Variants in ZPBP observed in about 807,000 individuals in gnomAD.
The protein encoded by ZPBP is zona pellucida binding protein.
A neutral mutation model predicts 44.8 loss-of-function variants in ZPBP; 26 were observed. The observed-to-expected ratio is 0.58, with a 90% CI of 0.43 to 0.81. The LOEUF (loss-of-function observed/expected upper bound fraction) is 0.81. Ranked by LOEUF, ZPBP falls within the 30% of genes least tolerant of loss-of-function variation. The pLI is 0.00. For missense variants in ZPBP, 409 were observed against 434.0 expected (o/e 0.94, Z 0.51); for synonymous variants, 174 against 153.2 (o/e 1.14, Z -1.00).
chr7:49,894,857 G>A (rs1792306145), intron 2 of ZPBP, among the ~76,000 whole-genome samples: 2 of 152,302 alleles, frequency 1.3e-5, no homozygotes, highest in South Asian at 4.2e-4. Context: ...ACCTATCCTG[G>A]GCTAGAGTGT....
intron 4 of ZPBP, among the ~76,000 whole-genome samples, chr7:50,049,741 C>A (rs146667207): frequency 9.2e-5 from 14 of 151,834 alleles, no homozygotes; most frequent in African/African-American, 3.4e-4. Flanking sequence ...GATTATTTCC[C>A]CCTAATATTA....
At chr7:49,876,500 T>A (rs1471639961) in intron 2 of ZPBP, among the ~76,000 whole-genome samples, 1 of 152,148 alleles carries the variant, frequency 6.6e-6, no homozygotes, top group Non-Finnish European at 1.5e-5. Flanking sequence ...TCATCTATAA[T>A]TATAATTCTC....
intron 2 of ZPBP, among the ~76,000 whole-genome samples, chr7:49,864,161 T>C (rs1790786317): frequency 6.6e-6 from 1 of 152,200 alleles, no homozygotes; most frequent in Admixed American, 6.5e-5. Context: ...CTCCTTGCCA[T>C]TGGTGTCACT....
chr7:49,983,657 A>T (rs1797127699), intron 6 of ZPBP, 138 bp from the exon 7 acceptor site: 3 of 582,954 alleles, frequency 5.1e-6, no homozygotes, highest in Admixed American at 3.3e-5. Context: ...CACAGACTAT[A>T]AATAAAACAC....
chr7:50,035,744 C>A (rs1029731959), intron 4 of ZPBP, among the ~76,000 whole-genome samples: 1 of 150,912 alleles, frequency 6.6e-6, no homozygotes, highest in Non-Finnish European at 1.5e-5. Context: ...AGCAATAAAA[C>A]CTATTTTGTT....
intron 1 of ZPBP, among the ~76,000 whole-genome samples, chr7:49,903,105 C>T (rs952792896): frequency 7.2e-5 from 11 of 152,064 alleles, no homozygotes; most frequent in African/African-American, 2.7e-4. Flanking sequence ...AAACTTGTGA[C>T]AAGATCAAAT....
intron 2 of ZPBP, among the ~76,000 whole-genome samples, chr7:49,892,683 G>A (rs1792194510): frequency 6.6e-6 from 1 of 152,172 alleles, no homozygotes; most frequent in African/African-American, 2.4e-5. Context: ...CAGTGAGTTA[G>A]CTTGTGCAAG....
intron 1 of ZPBP, among the ~76,000 whole-genome samples, chr7:49,902,838 C>A (rs1792844854): frequency 6.6e-6 from 1 of 151,972 alleles, no homozygotes; most frequent in African/African-American, 2.4e-5. Context: ...TAGAAAGCTA[C>A]AAGCTCAGAT....
At chr7:49,849,069 G>A (rs931097712), downstream of ZPBP, among the ~76,000 whole-genome samples, 7 of 152,088 alleles carry the variant, frequency 4.6e-5, no homozygotes, top group East Asian at 3.9e-4. Flanking sequence ...GTGTTGGTGC[G>A]CTTCCCTCGC....
At chr7:49,999,354 A>T (rs1797997773) in intron 6 of ZPBP, among the ~76,000 whole-genome samples, 1 of 151,894 alleles carries the variant, frequency 6.6e-6, no homozygotes, top group Admixed American at 6.6e-5. Context: ...GGAGAAAGAT[A>T]GTCTATTATC....
intron 7 of ZPBP, among the ~76,000 whole-genome samples, chr7:49,969,240 A>G (rs1017206002): frequency 4.0e-5 from 6 of 149,604 alleles, no homozygotes; most frequent in Non-Finnish European, 5.9e-5. Flanking sequence ...TAGCCAATAT[A>G]TATCTAAATG....
intron 6 of ZPBP, among the ~76,000 whole-genome samples, chr7:50,016,998 G>A (rs1411265393): frequency 6.6e-6 from 1 of 152,140 alleles, no homozygotes; most frequent in African/African-American, 2.4e-5. Flanking sequence ...TTTGGCAGCA[G>A]GGACTGGTTT....
At chr7:49,868,713 G>A (rs1207357409) in intron 2 of ZPBP, among the ~76,000 whole-genome samples, 1 of 152,150 alleles carries the variant, frequency 6.6e-6, no homozygotes, top group Non-Finnish European at 1.5e-5. Flanking sequence ...TGCCTCCTGG[G>A]TTCAAGTGAT....
At chr7:49,973,364 C>T (rs1296059700) in intron 7 of ZPBP, among the ~76,000 whole-genome samples, 1 of 151,786 alleles carries the variant, frequency 6.6e-6, no homozygotes, top group Non-Finnish European at 1.5e-5. Context: ...AAATTTATAG[C>T]TTTGTGCACT....
chr7:49,981,348 TAATATATA>T (rs1796885075), intron 7 of ZPBP, among the ~76,000 whole-genome samples: 1 of 16,722 alleles, frequency 6.0e-5, no homozygotes, highest in Non-Finnish European at 1.1e-4. Flanking sequence ...ATATATTATA[TAATATATA>T]TTATATATAA....
At chr7:50,077,800 A>T (rs879920119) in intron 3 of ZPBP, among the ~76,000 whole-genome samples, 1 of 151,936 alleles carries the variant, frequency 6.6e-6, no homozygotes, top group Non-Finnish European at 1.5e-5. Context: ...ATGGGAATGT[A>T]AACTAGTACA....
chr7:50,067,859 T>C (rs1434427614), intron 3 of ZPBP, among the ~76,000 whole-genome samples: 4 of 152,206 alleles, frequency 2.6e-5, no homozygotes, highest in Non-Finnish European at 5.9e-5. Flanking sequence ...GGTGATGCCA[T>C]GACTTTATGA....
chr7:49,922,371 G>C lies in ZPBP; in HGVS notation n.411+13380C>G, dbSNP rs376246091. Among the ~76,000 whole-genome samples, 12 of 152,042 alleles carry C rather than the reference G, an allele frequency of 7.9e-5. No individual in the cohort carries two copies. In the East Asian group the frequency reaches 1.2e-3, roughly 15 times the overall value. On this transcript the variant is annotated intron_variant and non_coding_transcript_variant, in intron 1 of 2. Transcript: ENST00000465922. ...CTCCTCTGCGCTGGCTTGGAGAAAG[G>C]CTTTTTAAAAAATAAATTAAAACCA...
intron 4 of ZPBP, 136 bp downstream of exon 4, chr7:50,057,853 A>G (rs1801042326): frequency 1.3e-6 from 1 of 776,188 alleles, no homozygotes; most frequent in African/African-American, 1.8e-5. Flanking sequence ...AAGTACTTAC[A>G]TAGGGAGGCA....
Sources: gnomAD v4.1 joint callset for allele counts (sites outside exome capture counted in the v4.1 genomes callset) on GRCh38, gnomAD v4.1.1 for gene constraint, MANE v1.5 for transcripts, NCBI Gene and HGNC (gene_info 2026-07-23, HGNC 2026-07-21) for gene names.